HIVEP3: variants seen among roughly 807,000 people sequenced by gnomAD.
HIVEP3 encodes transcription factor HIVEP3.
In HIVEP3, 49 loss-of-function variants were observed where a neutral mutation model predicts 152.8. That is an observed-to-expected ratio of 0.32 (90% CI 0.26 to 0.41). HIVEP3 has a LOEUF of 0.41. HIVEP3 is among the 10% of genes least tolerant of loss of function. The pLI is 1.00. For missense variants in HIVEP3, 2,790 were observed against 3,103.3 expected (o/e 0.90, Z 2.40); for synonymous variants, 1,269 against 1,289.0 (o/e 0.98, Z 0.33).
rs898285805 is a variant in HIVEP3 at position 41,774,880 on chromosome 1, C to T, written c.-800-73885G>A. 5.9e-5 allele frequency among the ~76,000 whole-genome samples: 9 copies of T among 151,894 alleles called. No homozygotes were observed. The East Asian group carries it at 1.4e-3, about 23-fold the overall frequency. On this transcript the variant is annotated intron_variant, in intron 1 of 8. Coordinates refer to ENST00000372583, the MANE Select transcript of HIVEP3 (RefSeq NM_024503.5). Reference sequence around the variant, plus strand: ...GCATGACCTTGGCTCACTGCAGCCTCGATCTCCTGGACTCAAGTGATCCTC... The same window carrying T: ...GCATGACCTTGGCTCACTGCAGCCTTGATCTCCTGGACTCAAGTGATCCTC...
rs1235647835 is a variant in HIVEP3 at position 41,545,215 on chromosome 1, C to A, written c.5208-20305G>T. Among the ~76,000 whole-genome samples the A allele has an allele frequency of 3.5e-5, 5 of 142,012 alleles. 1 individual carries two copies. Among genetic ancestry groups the A allele is most frequent in the Non-Finnish European group, 7.7e-5 (5 of 64,744 alleles). The allele number at this position is 142,012 out of a possible 152,430, so 93.2% of individuals were successfully genotyped here. A position where few individuals can be genotyped will look rare whatever the true frequency, so the allele number is the denominator to read the frequency against. ...AACACCACCACCACCACTATCGCCA[C>A]CACCACCATCGCTACCATCACCACC... On this transcript the variant is annotated intron_variant, in intron 5 of 8. Coordinates refer to ENST00000372583, the MANE Select transcript of HIVEP3 (RefSeq NM_024503.5).
rs945733549 is a variant in HIVEP3 at position 41,664,172 on chromosome 1, C to T, written c.-720-35225G>A. Among the ~76,000 whole-genome samples, 4 of 152,218 alleles carry T rather than the reference C, an allele frequency of 2.6e-5. No individual in the cohort carries two copies. The highest frequency in any genetic ancestry group is 4.4e-5 in the Non-Finnish European group (3 of 68,034). ...ATACAGGTCCTTCTCTTGAGCAGGGCAACTGGGGTGGGGTGCCCCCTGGGA... is the reference window on the plus strand; with the variant it reads ...ATACAGGTCCTTCTCTTGAGCAGGGTAACTGGGGTGGGGTGCCCCCTGGGA... On this transcript the variant is annotated intron_variant, in intron 2 of 8. Transcript: ENST00000372583. This position sits in a 1 kb window ranked among gnomAD's most constrained non-coding sequence, Gnocchi z 4.4.
chr1:41,833,977 G>T (rs1244440901), intron 1 of HIVEP3, among the ~76,000 whole-genome samples: 1 of 152,158 alleles, frequency 6.6e-6, no homozygotes. Flanking sequence ...ACCCTAGCAA[G>T]GACCTCCCTC....
chr1:41,613,333 C>T (rs554634887), intron 3 of HIVEP3, among the ~76,000 whole-genome samples: 13 of 152,196 alleles, frequency 8.5e-5, no homozygotes, highest in South Asian at 2.1e-4. Flanking sequence ...CTTTGGAACG[C>T]GTGGGGCGGG....
intron 5 of HIVEP3, among the ~76,000 whole-genome samples, chr1:41,529,984 GCA>G (rs1569774397): frequency 8.4e-6 from 1 of 118,620 alleles, no homozygotes; most frequent in East Asian, 2.4e-4. Flanking sequence ...TCACACCCAT[GCA>G]CACACACCAC....
chr1:41,622,399 G>A (rs1645059111), intron 3 of HIVEP3, among the ~76,000 whole-genome samples: 1 of 152,168 alleles, frequency 6.6e-6, no homozygotes, highest in Non-Finnish European at 1.5e-5. Context: ...GGGTGGGGGA[G>A]GAAGAAGGAT....
At chr1:41,527,316 CCCTGCACTCACACACACATCCCACCT>C (rs1643011046) in intron 5 of HIVEP3, among the ~76,000 whole-genome samples, 1 of 113,510 alleles carries the variant, frequency 8.8e-6, no homozygotes, top group African/African-American at 3.5e-5. Context: ...CACTTCACAC[CCCTGCACTCACACACACATCCCACCT>C]TCACACTCAC....
chr1:41,512,470 C>T (rs1205263014), intron 8 of HIVEP3, among the ~76,000 whole-genome samples: 1 of 152,220 alleles, frequency 6.6e-6, no homozygotes, highest in African/African-American at 2.4e-5. Context: ...GCCTGAAGAA[C>T]TGTGAGCCTA....
In HIVEP3 at chr1:41,506,827, GA is replaced by G. The variant is rs1420252906; in HGVS notation, c.*3623del. The G allele has an allele frequency of 3.3e-5, 5 of 151,766 alleles. No homozygotes were observed. The highest frequency in any genetic ancestry group is 7.4e-5 in the Non-Finnish European group (5 of 67,942). The allele number at this position is 151,766 out of a possible 1,614,324, so 9.4% of individuals were successfully genotyped here. ...ACATACAGAATACGTACACCTTTTAGAAAAAAAGGCAAATATTTATCTTACA... is the reference window on the plus strand; with the variant it reads ...ACATACAGAATACGTACACCTTTTAGAAAAAAGGCAAATATTTATCTTACA... On this transcript the variant is annotated 3_prime_UTR_variant, in exon 9 of 9. Coordinates refer to ENST00000372583, the MANE Select transcript of HIVEP3 (RefSeq NM_024503.5).
At chr1:41,627,363 G>A (rs1645132093) in intron 3 of HIVEP3, among the ~76,000 whole-genome samples, 1 of 152,216 alleles carries the variant, frequency 6.6e-6, no homozygotes, top group Non-Finnish European at 1.5e-5. Flanking sequence ...ACCACTAAGA[G>A]TCGGGGCTGG....
At chr1:41,941,815 T>C (rs922323133) in intron 1 of HIVEP3, among the ~76,000 whole-genome samples, 6 of 152,194 alleles carry the variant, frequency 3.9e-5, no homozygotes, top group Admixed American at 1.3e-4. Context: ...TTCTAAGCCA[T>C]AGATCAGGGC....
chr1:41,553,435 GGTCTTGACTCTTT>G (rs1488900522), intron 5 of HIVEP3, among the ~76,000 whole-genome samples: 1 of 152,036 alleles, frequency 6.6e-6, no homozygotes, highest in Non-Finnish European at 1.5e-5. Flanking sequence ...CACACTGATG[GGTCTTGACTCTTT>G]ATCCAAATTG....
intron 1 of HIVEP3, among the ~76,000 whole-genome samples, chr1:41,737,862 G>A (rs919003246): frequency 6.6e-6 from 1 of 152,200 alleles, no homozygotes; most frequent in Non-Finnish European, 1.5e-5. Flanking sequence ...ACAGATTTGT[G>A]AGGCTCTGAG....
chr1:41,883,717 G>T (rs955407168), intron 1 of HIVEP3, among the ~76,000 whole-genome samples: 9 of 152,100 alleles, frequency 5.9e-5, no homozygotes, highest in African/African-American at 2.2e-4. Context: ...CTGTTGGCAC[G>T]GCCTGCTCTT....
In HIVEP3 at chr1:41,507,333, G is replaced by A. The variant is rs1175028926; in HGVS notation, c.*3118C>T. On this transcript the variant is annotated 3_prime_UTR_variant, in exon 9 of 9. Coordinates refer to ENST00000372583, the MANE Select transcript of HIVEP3 (RefSeq NM_024503.5). Reference sequence around the variant, plus strand: ...GTCGGGCTCCTGGAGGGTTGCAGGGGTTGAGCCCAGAGTGAGAGCCACAGG... The same window carrying A: ...GTCGGGCTCCTGGAGGGTTGCAGGGATTGAGCCCAGAGTGAGAGCCACAGG... 1.3e-5 allele frequency: 2 copies of A among 152,334 alleles called. No individual in the cohort carries two copies. The highest frequency in any genetic ancestry group is 2.9e-5 in the Non-Finnish European group (2 of 68,114). The allele number at this position is 152,334 out of a possible 1,614,324, so 9.4% of individuals were successfully genotyped here. A position where few individuals can be genotyped will look rare whatever the true frequency, so the allele number is the denominator to read the frequency against.
intron 2 of HIVEP3, among the ~76,000 whole-genome samples, chr1:41,671,966 C>G (rs1039416662): frequency 5.4e-4 from 82 of 152,132 alleles, no homozygotes; most frequent in African/African-American, 1.9e-3. Context: ...AGTGGGGAGA[C>G]CCTGGTGGGG....
intron 4 of HIVEP3, 40 bp from the exon 5 acceptor site, chr1:41,575,729 A>C (rs1644318560): frequency 1.9e-6 from 3 of 1,606,750 alleles, no homozygotes; most frequent in Non-Finnish European, 1.7e-6. Flanking sequence ...TGCTGGTTAA[A>C]AGTGCATCCT....
intron 2 of HIVEP3, among the ~76,000 whole-genome samples, chr1:41,648,365 T>C (rs1645493633): frequency 6.6e-6 from 1 of 152,160 alleles, no homozygotes; most frequent in Non-Finnish European, 1.5e-5. Context: ...TCAACCATCA[T>C]CACCACCATC....
chr1:41,864,463 T>C (rs1347163130), intron 1 of HIVEP3: 1 of 152,328 alleles, frequency 6.6e-6, no homozygotes, highest in African/African-American at 2.4e-5. Flanking sequence ...TTCTTTCACA[T>C]AGAGATGCTC....
Sources: gnomAD v4.1 joint callset for allele counts (sites outside exome capture counted in the v4.1 genomes callset) on GRCh38, gnomAD v4.1.1 for gene constraint, Gnocchi (gnomAD v3.1) non-coding constraint, MANE v1.5 for transcripts, NCBI Gene and HGNC (gene_info 2026-07-23, HGNC 2026-07-21) for gene names.